CDH8: variants seen among roughly 807,000 people sequenced by gnomAD.
CDH8 encodes the protein cadherin 8.
In CDH8, 17 loss-of-function variants were observed where a neutral mutation model predicts 68.1. The observed-to-expected ratio is 0.25, with a 90% CI of 0.17 to 0.37. CDH8 has a LOEUF of 0.37. Among genes scored for constraint, CDH8 ranks in the 10% least tolerant of loss-of-function variants. CDH8 has a pLI of 1.00. For synonymous variants in CDH8, 372 were observed against 365.1 expected, an observed-to-expected ratio of 1.02 and a Z score of -0.21; for missense variants, 763 against 999.3, an observed-to-expected ratio of 0.76 and a Z score of 3.19.
chr16:61,695,424 G>A (rs1964306465), intron 10 of CDH8, among the ~76,000 whole-genome samples: 1 of 152,112 alleles, frequency 6.6e-6, no homozygotes, highest in African/African-American at 2.4e-5. Context: ...AGTTTTACTT[G>A]GGCCACCTTT....
chr16:61,887,441 A>T (rs927524711), intron 3 of CDH8, among the ~76,000 whole-genome samples: 18 of 152,214 alleles, frequency 1.2e-4, no homozygotes, highest in African/African-American at 4.3e-4. Context: ...CTGGAAGTCC[A>T]AGGTCAAGAT....
chr16:61,741,951 AT>A (rs1959884481), intron 8 of CDH8, among the ~76,000 whole-genome samples: 1 of 152,140 alleles, frequency 6.6e-6, no homozygotes, highest in Non-Finnish European at 1.5e-5. Context: ...CTACAGATAA[AT>A]TTAGAGAATT....
chr16:61,973,688 C>T (rs939094910), intron 2 of CDH8, among the ~76,000 whole-genome samples: 3 of 152,170 alleles, frequency 2.0e-5, no homozygotes, highest in Admixed American at 6.5e-5. Context: ...AAAACAAAGT[C>T]ATGAAAATAG....
At chr16:61,837,216 C>T (rs771435338) in intron 4 of CDH8, among the ~76,000 whole-genome samples, 1 of 152,030 alleles carries the variant, frequency 6.6e-6, no homozygotes, top group Non-Finnish European at 1.5e-5. Context: ...ACTGTCTGTG[C>T]AAGACATAGC....
chr16:61,925,692 G>T (rs1288430895), intron 2 of CDH8, among the ~76,000 whole-genome samples: 22 of 152,108 alleles, frequency 1.4e-4, no homozygotes, highest in Admixed American at 1.4e-3. Context: ...TTAAAGTAGG[G>T]TCACTCATCT....
chr16:61,782,283 CA>C (rs1232667584), intron 8 of CDH8, among the ~76,000 whole-genome samples: 1 of 152,188 alleles, frequency 6.6e-6, no homozygotes, highest in Non-Finnish European at 1.5e-5. Flanking sequence ...CTGGGAAGCA[CA>C]AGGGGTCAGG....
Position 61,649,394 on chromosome 16 carries a change from T to C in CDH8, c.*4214A>G, listed in dbSNP as rs1963271991. The C allele has an allele frequency of 6.6e-6, 1 of 151,492 alleles. No homozygotes were observed. Among genetic ancestry groups the C allele is most frequent in the Non-Finnish European group, 1.5e-5 (1 of 67,872 alleles). 9.4% of individuals were successfully genotyped at this position (151,492 alleles called of 1,614,324 possible). ...AAAACTATAAATTATCCCCAGTAAC[T>C]GAATTGTGTATATATGTGCATATTT... is the stretch of plus-strand genomic sequence containing the variant. On this transcript the variant is annotated 3_prime_UTR_variant, in exon 12 of 12. Transcript: ENST00000577390.
At chr16:61,953,335 C>A (rs541676003) in intron 2 of CDH8, among the ~76,000 whole-genome samples, 2 of 152,264 alleles carry the variant, frequency 1.3e-5, no homozygotes, top group South Asian at 4.1e-4. Flanking sequence ...ATTTCTCATA[C>A]TTCTGCTATT....
chr16:61,901,277 G>A lies in CDH8; in HGVS notation c.449C>T (p.Pro150Leu), dbSNP rs1466326562. ...TTGAACTTTAATAATAAATTCAGAA[G>A]GAGGCTCCAGAGGTTTGCTTGTCTC... The part of the protein sequence containing the change: ...DWETSKPLEP[P>L]SEFIIKVQDI... The change falls in exon 3 of 12, where the codon CCT becomes CTT. Residue 150 changes from proline to leucine, a missense_variant. Physicochemically the swap from Pro to Leu is moderately conservative, Grantham distance 98 (BLOSUM62 -3). This residue lies in a region of CDH8 where 366 missense variants were observed against 563.1 expected (regional missense o/e 0.65). Coordinates refer to ENST00000577390, the MANE Select transcript of CDH8 (RefSeq NM_001796.5). 1 of 1,614,066 alleles carries A rather than the reference G, an allele frequency of 6.2e-7. No homozygotes were observed. Among genetic ancestry groups the A allele is most frequent in the South Asian group, 1.1e-5 (1 of 91,076 alleles).
At chr16:61,869,221 G>A (rs1486088227) in intron 3 of CDH8, among the ~76,000 whole-genome samples, 1 of 152,030 alleles carries the variant, frequency 6.6e-6, no homozygotes, top group Admixed American at 6.6e-5. Context: ...TGGTCTTGGA[G>A]TACCAATGAT....
At chr16:61,843,355 T>G (rs1282866411) in intron 4 of CDH8, among the ~76,000 whole-genome samples, 4 of 152,164 alleles carry the variant, frequency 2.6e-5, no homozygotes, top group African/African-American at 9.7e-5. Context: ...AGTAGCTGAG[T>G]GAAAATCATG....
intron 8 of CDH8, among the ~76,000 whole-genome samples, chr16:61,731,117 A>G (rs1413890307): frequency 6.6e-6 from 1 of 151,648 alleles, no homozygotes; most frequent in African/African-American, 2.4e-5. Context: ...GAAAGAGAAA[A>G]GCAGGCCTTG....
intron 8 of CDH8, among the ~76,000 whole-genome samples, chr16:61,774,043 C>A (rs1960846928): frequency 6.6e-6 from 1 of 151,922 alleles, no homozygotes; most frequent in South Asian, 2.1e-4. Flanking sequence ...ATTTTTAGCC[C>A]CAGTTTCTAA....
chr16:61,942,282 C>A (rs1964737142), intron 2 of CDH8, among the ~76,000 whole-genome samples: 1 of 152,092 alleles, frequency 6.6e-6, no homozygotes, highest in African/African-American at 2.4e-5. Flanking sequence ...CACTTCTGCC[C>A]AGGAGTTTGA....
At chr16:61,832,993 G>A (rs1165485543) in intron 4 of CDH8, among the ~76,000 whole-genome samples, 1 of 151,494 alleles carries the variant, frequency 6.6e-6, no homozygotes, top group Non-Finnish European at 1.5e-5. Flanking sequence ...TTAGAGAATG[G>A]GTTCTGGAGT....
At chr16:61,751,619 T>C (rs1960168462) in intron 8 of CDH8, among the ~76,000 whole-genome samples, 1 of 151,990 alleles carries the variant, frequency 6.6e-6, no homozygotes, top group South Asian at 2.1e-4. Flanking sequence ...GGTCGCTGCA[T>C]AAAAACACTG....
rs529597533 is a variant in CDH8, at chr16:61,942,690, C to A, written c.253-41217G>T. On this transcript the variant is annotated intron_variant, in intron 2 of 11. Coordinates refer to ENST00000577390, the MANE Select transcript of CDH8 (RefSeq NM_001796.5). ...TCTTTCTGTTCCTCTAACAAGTTCACCTTGTTCCTTGTTAAAGACATTTTC... is the reference window on the plus strand; with the variant it reads ...TCTTTCTGTTCCTCTAACAAGTTCAACTTGTTCCTTGTTAAAGACATTTTC... 7.9e-5 allele frequency among the ~76,000 whole-genome samples: 12 copies of A among 152,238 alleles called. 1 individual carries two copies. The highest frequency in any genetic ancestry group is 1.8e-4 in the Non-Finnish European group (12 of 68,048).
At chr16:61,665,891 A>G (rs796850853) in intron 10 of CDH8, among the ~76,000 whole-genome samples, 4 of 135,092 alleles carry the variant, frequency 3.0e-5, no homozygotes, top group African/African-American at 5.6e-5. Flanking sequence ...TATTTCTTTC[A>G]GTTATAGTAG....
intron 4 of CDH8, among the ~76,000 whole-genome samples, chr16:61,836,415 T>C (rs1366478224): frequency 6.6e-6 from 1 of 151,960 alleles, no homozygotes; most frequent in Non-Finnish European, 1.5e-5. Context: ...CTATTAAAGA[T>C]AAACGCATGA....
Sources: allele counts gnomAD v4.1 joint callset (sites outside exome capture counted in the v4.1 genomes callset), GRCh38; gene constraint gnomAD v4.1.1; regional missense constraint gnomAD v4.1.1; transcripts MANE v1.5; gene names NCBI Gene and HGNC (gene_info 2026-07-23, HGNC 2026-07-21).